LINGO2: variants seen among roughly 807,000 people sequenced by gnomAD.
LINGO2 encodes leucine-rich repeat and immunoglobulin-like domain-containing nogo receptor-interacting protein 2.
In LINGO2, 14 loss-of-function variants were observed where a neutral mutation model predicts 30.6. The observed-to-expected ratio is 0.46, with a 90% CI of 0.30 to 0.72. The LOEUF is 0.72. Among genes scored for constraint, LINGO2 ranks in the 30% least tolerant of loss-of-function variants. The pLI, the probability that LINGO2 is intolerant of heterozygous loss-of-function variation, is 0.07. For missense variants in LINGO2, 729 were observed against 751.7 expected (o/e 0.97, Z 0.35); for synonymous variants, 317 against 288.5 (o/e 1.10, Z -1.00).
chr9:28,795,645 C>T, the LINGO2 span, among the ~76,000 whole-genome samples: 2 of 151,256 alleles, frequency 1.3e-5, no homozygotes, highest in Admixed American at 6.6e-5. Flanking sequence ...TAAAATATTA[C>T]GAAGGTAAAA....
the LINGO2 span, among the ~76,000 whole-genome samples, chr9:28,935,814 G>C: frequency 1.4e-4 from 21 of 151,966 alleles, no homozygotes; most frequent in African/African-American, 4.8e-4. Flanking sequence ...ATTTGACCTA[G>C]TTAAAAGATA....
chr9:28,282,782 T>C (rs1372219997), intron 4 of LINGO2, among the ~76,000 whole-genome samples: 1 of 152,136 alleles, frequency 6.6e-6, no homozygotes, highest in African/African-American at 2.4e-5. Flanking sequence ...ATTTGATGTC[T>C]CTTTCAGTGC....
intron 1 of LINGO2, among the ~76,000 whole-genome samples, chr9:28,614,078 A>G (rs960502353): frequency 1.3e-5 from 2 of 152,158 alleles, no homozygotes; most frequent in African/African-American, 2.4e-5. Flanking sequence ...GATCATTTAT[A>G]ATAAATGAAA....
chr9:28,849,849 C>T, the LINGO2 span, among the ~76,000 whole-genome samples: 1 of 151,968 alleles, frequency 6.6e-6, no homozygotes, highest in Admixed American at 6.6e-5. Flanking sequence ...TTTTATGTTC[C>T]CAGAGCGCTC....
the LINGO2 span, among the ~76,000 whole-genome samples, chr9:28,702,388 G>C: frequency 1.3e-5 from 2 of 151,750 alleles, no homozygotes; most frequent in African/African-American, 4.8e-5. Flanking sequence ...CAATCAAGTG[G>C]TTTTTCTGCT....
chr9:28,796,112 C>T, the LINGO2 span, among the ~76,000 whole-genome samples: 4 of 150,004 alleles, frequency 2.7e-5, no homozygotes, highest in African/African-American at 9.8e-5. Flanking sequence ...TAAAACTGAA[C>T]CTTAAAACCC....
At chr9:29,046,838 G>C in the LINGO2 span, among the ~76,000 whole-genome samples, 2 of 151,954 alleles carry the variant, frequency 1.3e-5, no homozygotes, top group Non-Finnish European at 2.9e-5. Flanking sequence ...CAGCACTCTG[G>C]GAAGCCGAGG....
At chr9:29,188,870 C>A in the LINGO2 span, among the ~76,000 whole-genome samples, 59 of 147,738 alleles carry the variant, frequency 4.0e-4, no homozygotes, top group East Asian at 1.2e-3. Context: ...GGGCGGCTGG[C>A]CGGGCAGAGG....
chr9:28,098,539 T>A (rs1230050916), intron 4 of LINGO2, among the ~76,000 whole-genome samples: 1 of 152,166 alleles, frequency 6.6e-6, no homozygotes, highest in South Asian at 2.1e-4. Context: ...TTTCCTGATG[T>A]AGGGTAGTTA....
At chr9:28,077,699 C>G (rs1007261850) in intron 4 of LINGO2, among the ~76,000 whole-genome samples, 2 of 146,406 alleles carry the variant, frequency 1.4e-5, no homozygotes, top group Admixed American at 1.3e-4. Flanking sequence ...AGAAAAGATG[C>G]AAAAAAATAA....
the LINGO2 span, among the ~76,000 whole-genome samples, chr9:28,739,751 T>C: frequency 6.6e-6 from 1 of 151,772 alleles, no homozygotes; most frequent in South Asian, 2.1e-4. Context: ...TCTCTAAGTC[T>C]AGCTTTATGA....
intron 1 of LINGO2, among the ~76,000 whole-genome samples, chr9:28,558,645 G>A (rs969672741): frequency 2.5e-4 from 38 of 151,952 alleles, no homozygotes; most frequent in African/African-American, 8.9e-4. Context: ...AAAAGTCCCT[G>A]GTGGGACAAA....
chr9:28,312,340 A>G (rs909674692), intron 3 of LINGO2, among the ~76,000 whole-genome samples: 2 of 152,000 alleles, frequency 1.3e-5, no homozygotes, highest in African/African-American at 4.8e-5. Context: ...TCATTTAAAT[A>G]AAAATGAGAG....
chr9:28,896,988 C>T, the LINGO2 span, among the ~76,000 whole-genome samples: 4 of 152,040 alleles, frequency 2.6e-5, no homozygotes, highest in African/African-American at 9.7e-5. Flanking sequence ...TAATACGCAG[C>T]TTACAATACA....
intron 2 of LINGO2, among the ~76,000 whole-genome samples, chr9:28,469,495 G>C (rs1245153573): frequency 6.6e-6 from 1 of 152,074 alleles, no homozygotes; most frequent in Non-Finnish European, 1.5e-5. Flanking sequence ...GTAGAATAAA[G>C]AGATTCACAA....
At chr9:28,183,431 TA>T (rs902393085) in intron 4 of LINGO2, among the ~76,000 whole-genome samples, 5 of 151,824 alleles carry the variant, frequency 3.3e-5, no homozygotes, top group African/African-American at 9.7e-5. Context: ...AATTTTTTTT[TA>T]AGAAAAGAAA....
chr9:28,840,833 A>G, the LINGO2 span, among the ~76,000 whole-genome samples: 1 of 151,926 alleles, frequency 6.6e-6, no homozygotes, highest in South Asian at 2.1e-4. Flanking sequence ...AGGGAGAGTA[A>G]TTTGGTTCAT....
chr9:28,667,486 G>A (rs1247734504), intron 1 of LINGO2, among the ~76,000 whole-genome samples: 1 of 152,134 alleles, frequency 6.6e-6, no homozygotes, highest in Non-Finnish European at 1.5e-5. Context: ...GCTCACGCTT[G>A]TAATCCCAGC....
chr9:28,780,233 G>A, the LINGO2 span, among the ~76,000 whole-genome samples: 1 of 152,228 alleles, frequency 6.6e-6, no homozygotes, highest in Middle Eastern at 3.4e-3. Flanking sequence ...CCCTGTACTC[G>A]GTCTTGCTCA....
Sources: gnomAD v4.1 joint callset for allele counts (sites outside exome capture counted in the v4.1 genomes callset) on GRCh38, gnomAD v4.1.1 for gene constraint, MANE v1.5 for transcripts, NCBI Gene and HGNC (gene_info 2026-07-23, HGNC 2026-07-21) for gene names.